The following CADM2 variants were observed in gnomAD, a reference collection of about 807,000 sequenced individuals.
CADM2 encodes cell adhesion molecule 2.
In CADM2, 12 loss-of-function variants were observed where a neutral mutation model predicts 49.8. The ratio of observed to expected loss-of-function variants is 0.24; its 90% CI spans 0.15 to 0.39. The LOEUF (loss-of-function observed/expected upper bound fraction) is 0.39. Among genes scored for constraint, CADM2 ranks in the 10% least tolerant of loss-of-function variants. The probability of loss-of-function intolerance (pLI) is 1.00; values close to 1 mark genes in which losing one functional copy is unlikely to be tolerated. For synonymous variants in CADM2, 214 were observed against 175.4 expected, an observed-to-expected ratio of 1.22 and a Z score of -1.74; for missense variants, 378 against 492.3, an observed-to-expected ratio of 0.77 and a Z score of 2.20.
At chr3:85,194,639 A>G (rs2041294000) in intron 1 of CADM2, among the ~76,000 whole-genome samples, 1 of 152,068 alleles carries the variant, frequency 6.6e-6, no homozygotes, top group South Asian at 2.1e-4. Flanking sequence ...AAGATAAATA[A>G]GAATCTAGGT....
intron 1 of CADM2, among the ~76,000 whole-genome samples, chr3:85,629,208 T>C (rs892654396): frequency 6.6e-6 from 1 of 151,884 alleles, no homozygotes; most frequent in Non-Finnish European, 1.5e-5. Flanking sequence ...CAGCACTTTA[T>C]TGATATTACA....
intron 1 of CADM2, among the ~76,000 whole-genome samples, chr3:85,301,155 G>A (rs1048045026): frequency 2.0e-5 from 3 of 152,028 alleles, no homozygotes; most frequent in Non-Finnish European, 4.4e-5. Context: ...CACAGTGAGG[G>A]GCCTACATTT....
intron 1 of CADM2, among the ~76,000 whole-genome samples, chr3:85,473,208 A>G (rs2038839944): frequency 1.3e-5 from 2 of 152,080 alleles, no homozygotes; most frequent in Non-Finnish European, 1.5e-5. Flanking sequence ...ATTGAAATGA[A>G]TAATTGTATG....
chr3:85,269,425 A>G (rs1358715150), intron 1 of CADM2, among the ~76,000 whole-genome samples: 1 of 151,466 alleles, frequency 6.6e-6, no homozygotes, highest in African/African-American at 2.4e-5. Context: ...CAAAAAGTAA[A>G]TTAATTAATC....
At chr3:85,407,541 A>G (rs2035443671) in intron 1 of CADM2, among the ~76,000 whole-genome samples, 3 of 152,160 alleles carry the variant, frequency 2.0e-5, no homozygotes, top group Admixed American at 2.0e-4. Context: ...ACAATTTCCT[A>G]AAAACAACTC....
At chr3:85,890,157 T>C (rs1714231335) in intron 5 of CADM2, among the ~76,000 whole-genome samples, 1 of 151,720 alleles carries the variant, frequency 6.6e-6, no homozygotes, top group Non-Finnish European at 1.5e-5. Context: ...ACTTCAATAT[T>C]GAAAGGGGAA....
intron 1 of CADM2, among the ~76,000 whole-genome samples, chr3:85,114,510 A>G (rs112555172): frequency 3.3e-5 from 5 of 152,200 alleles, no homozygotes; most frequent in South Asian, 2.1e-4. Flanking sequence ...ACAGTAATTA[A>G]CATGCCCAGA....
intron 1 of CADM2, among the ~76,000 whole-genome samples, chr3:85,212,957 T>C (rs1202935566): frequency 6.6e-6 from 1 of 151,334 alleles, no homozygotes; most frequent in Admixed American, 6.6e-5. Flanking sequence ...CTCCGCTCAC[T>C]GCAACCTTCG....
intron 2 of CADM2, among the ~76,000 whole-genome samples, chr3:85,732,588 T>C (rs1392460663): frequency 1.3e-5 from 2 of 152,182 alleles, no homozygotes; most frequent in Non-Finnish European, 2.9e-5. Flanking sequence ...AATAGTGCAA[T>C]AATGTTTATT....
intron 3 of CADM2, among the ~76,000 whole-genome samples, chr3:85,875,935 C>G (rs1711769915): frequency 6.6e-6 from 1 of 152,102 alleles, no homozygotes; most frequent in Non-Finnish European, 1.5e-5. Flanking sequence ...ATAGGTAGAA[C>G]TTGGCTTATT....
chr3:85,332,477 G>C, intron 1 of CADM2, among the ~76,000 whole-genome samples: 1 of 151,886 alleles, frequency 6.6e-6, no homozygotes, highest in Non-Finnish European at 1.5e-5. Flanking sequence ...CTTCCTGGGG[G>C]CTTTGTAGGT....
Position 85,412,639 on chromosome 3 carries a change from G to A in CADM2, c.62-313883G>A, listed in dbSNP as rs150316436. 2.8e-3 allele frequency among the ~76,000 whole-genome samples: 428 copies of A among 151,814 alleles called. 1 individual carries two copies. In the Middle Eastern group the frequency reaches 0.044, roughly 16 times the overall value. On this transcript the variant is annotated intron_variant, in intron 1 of 9. Coordinates refer to ENST00000383699, the MANE Select transcript of CADM2 (RefSeq NM_001167675.2). ...CCTCTAATAAAGGGACAAGTGGAGCGCTAATAAAGATTAGGAGTATCCTTT... is the reference window on the plus strand; with the variant it reads ...CCTCTAATAAAGGGACAAGTGGAGCACTAATAAAGATTAGGAGTATCCTTT...
At chr3:85,270,942 C>T (rs2043228797) in intron 1 of CADM2, among the ~76,000 whole-genome samples, 1 of 151,332 alleles carries the variant, frequency 6.6e-6, no homozygotes, top group African/African-American at 2.4e-5. Flanking sequence ...TAATCATTGT[C>T]ATGTGTGATG....
At chr3:84,974,233 GTATA>G (rs35432857) in intron 1 of CADM2, among the ~76,000 whole-genome samples, 2 of 149,044 alleles carry the variant, frequency 1.3e-5, no homozygotes, top group African/African-American at 4.9e-5. Context: ...GTAATTATAT[GTATA>G]TATATATATA....
At chr3:85,607,047 G>A (rs1046926882) in intron 1 of CADM2, among the ~76,000 whole-genome samples, 26 of 151,994 alleles carry the variant, frequency 1.7e-4, no homozygotes, top group Non-Finnish European at 2.8e-4. Flanking sequence ...AAAACTGGAT[G>A]CCAGTTTATT....
chr3:85,708,502 T>C (rs1030411143), intron 1 of CADM2, among the ~76,000 whole-genome samples: 3 of 152,282 alleles, frequency 2.0e-5, no homozygotes, highest in South Asian at 2.1e-4. Context: ...GCTTGTTTTG[T>C]TTTGTAAATA....
At chr3:85,511,659 G>A (rs2040622104) in intron 1 of CADM2, among the ~76,000 whole-genome samples, 1 of 151,954 alleles carries the variant, frequency 6.6e-6, no homozygotes, top group South Asian at 2.1e-4. Context: ...ATCTATAAAG[G>A]TTCTTTTGAC....
intron 1 of CADM2, among the ~76,000 whole-genome samples, chr3:85,091,088 A>C (rs1450040206): frequency 6.6e-6 from 1 of 152,278 alleles, no homozygotes; most frequent in South Asian, 2.1e-4. Context: ...AAACTGTTAA[A>C]TCTATTGGCT....
rs73845410 is a variant in CADM2, at chr3:85,236,462, A to G, written c.61+276794A>G. On this transcript the variant is annotated intron_variant, in intron 1 of 9. Transcript: ENST00000383699. ...TCAAAGTTATACTTGATATGATTTC[A>G]ATTGCATATTTTTAATGGTTTATTT... Among the ~76,000 whole-genome samples the G allele has an allele frequency of 4.9e-3, 746 of 152,132 alleles. 5 individuals are homozygous for G. The highest frequency in any genetic ancestry group is 0.024 in the Middle Eastern group (7 of 294).
Sources: gnomAD v4.1 joint callset for allele counts (sites outside exome capture counted in the v4.1 genomes callset) on GRCh38, gnomAD v4.1.1 for gene constraint, MANE v1.5 for transcripts, NCBI Gene and HGNC (gene_info 2026-07-23, HGNC 2026-07-21) for gene names.